The following CDCA2 variants were observed in gnomAD, a reference collection of about 807,000 sequenced individuals.
CDCA2 encodes the protein cell division cycle-associated protein 2.
CDCA2 carries 44 observed loss-of-function variants against 67.0 expected under a neutral mutation model. The ratio of observed to expected loss-of-function variants is 0.66; its 90% CI spans 0.52 to 0.84. The LOEUF (loss-of-function observed/expected upper bound fraction) is 0.84, where lower values mean the gene tolerates loss of function less well. Ranked by LOEUF, CDCA2 falls within the 40% of genes least tolerant of loss-of-function variation. The pLI, the probability that CDCA2 is intolerant of heterozygous loss-of-function variation, is 0.00. For missense variants in CDCA2, 1,253 were observed against 1,203.2 expected (o/e 1.04, Z -0.61); for synonymous variants, 447 against 418.7 (o/e 1.07, Z -0.82).
rs145779915 is a variant in CDCA2, at chr8:25,488,603, G to C, written c.1585G>C (p.Val529Leu). The change falls in exon 13 of 15, where the codon GTT (valine) becomes CTT (leucine). Residue 529 changes from valine (V) to leucine (L), a missense_variant. Transcript: ENST00000330560. ...ESVCNLLNTE[V>L]QPCKEKKINR... ...TGTTTGCAACTTATTGAATACAGAA[G>C]TTCAGCCTTGTAAAGAAAAGAAAAT... 2 of 1,613,026 alleles carry C rather than the reference G, an allele frequency of 1.2e-6. No homozygotes were observed. The highest frequency in any genetic ancestry group is 1.7e-6 in the Non-Finnish European group (2 of 1,179,688).
chr8:25,501,454 C>CT (rs1261015698), intron 13 of CDCA2, among the ~76,000 whole-genome samples: 1 of 152,228 alleles, frequency 6.6e-6, no homozygotes, highest in Non-Finnish European at 1.5e-5. Context: ...ATTCAAGTCA[C>CT]TGGCAAGGGC....
chr8:25,466,147 ACTC>A, intron 4 of CDCA2, 25 bp from the exon 5 acceptor site: 1 of 1,576,294 alleles, frequency 6.3e-7, no homozygotes, highest in Non-Finnish European at 8.6e-7. Context: ...TGATTATAAT[ACTC>A]CTTGTATATT....
chr8:25,507,467 G>C lies in CDCA2; in HGVS notation c.2801G>C (p.Ser934Thr). 6.2e-7 allele frequency: 1 copy of C among 1,614,030 alleles called. No individual in the cohort carries two copies. Among genetic ancestry groups the C allele is most frequent in the Non-Finnish European group, 8.5e-7 (1 of 1,179,976 alleles). Residue 934 changes from serine (S) to threonine (T), a missense_variant, in exon 15 of 15, where the codon AGT becomes ACT. Ser to Thr is a moderately conservative substitution (Grantham distance 58, BLOSUM62 1). Coordinates refer to ENST00000330560, the MANE Select transcript of CDCA2 (RefSeq NM_152562.4). Reference sequence around the variant, plus strand: ...ACATTTGACAGCAGTGGATTTGAAAGTATGTCTCCCATAAAAGAAACTGTG... The same window carrying C: ...ACATTTGACAGCAGTGGATTTGAAACTATGTCTCCCATAAAAGAAACTGTG... ...ICTFDSSGFE[S>T]MSPIKETVSS...
chr8:25,483,361 TATATGTA>T (rs1171018437), intron 8 of CDCA2, 31 bp from the exon 9 acceptor site: 1 of 1,354,118 alleles, frequency 7.4e-7, no homozygotes, highest in South Asian at 1.4e-5. Context: ...TATGTATTTC[TATATGTA>T]AAATTATTCA....
Position 25,468,242 on chromosome 8 carries a change from C to G in CDCA2, c.564C>G (p.Cys188Trp), listed in dbSNP as rs1803000679. Residue 188 changes from cysteine to tryptophan, a missense_variant, in exon 6 of 15, where the codon TGC becomes TGG. Physicochemically the swap from Cys to Trp is radical, Grantham distance 215. Coordinates refer to ENST00000330560, the MANE Select transcript of CDCA2 (RefSeq NM_152562.4). ...CCAGAAAGGAAGGTCTCAGCGCTTG[C>G]CAGCAGTCTGGGTTCCCTGCAGTGT... Reference protein sequence around the residue: ...DLTRKEGLSACQQSGFPAVLS... With the variant: ...DLTRKEGLSAWQQSGFPAVLS... 1 of 1,609,074 alleles carries G rather than the reference C, an allele frequency of 6.2e-7. No homozygotes were observed. The highest frequency in any genetic ancestry group is 8.5e-7 in the Non-Finnish European group (1 of 1,177,100).
intron 7 of CDCA2, among the ~76,000 whole-genome samples, chr8:25,472,521 G>A (rs1001591751): frequency 1.3e-5 from 2 of 152,090 alleles, no homozygotes; most frequent in Admixed American, 1.3e-4. Context: ...AAAGTGCTGG[G>A]ATTACAGGCA....
chr8:25,488,379 A>T (rs1328786259), intron 12 of CDCA2, among the ~76,000 whole-genome samples, 173 bp from the exon 13 acceptor site: 1 of 152,196 alleles, frequency 6.6e-6, no homozygotes. Flanking sequence ...GAAATTGGTA[A>T]TTACCATTTC....
rs747980813 is a variant in CDCA2 at position 25,466,262 on chromosome 8, G to A, written c.475G>A (p.Glu159Lys). The change falls in exon 5 of 15, where the codon GAG becomes AAG. Residue 159 changes from glutamate (E) to lysine (K), a missense_variant. Transcript: ENST00000330560. ...QSAFHSIKEN[E>K]KMTGCLEFSE... is the part of the protein sequence containing the mutation. ...AGCTTTTCACTCCATAAAGGAAAAC[G>A]AGAAAATGACCGGCTGTCTGGAATT... is the stretch of plus-strand genomic sequence containing the variant. The A allele has an allele frequency of 3.7e-6, 6 of 1,610,736 alleles. No individual in the cohort carries two copies. The highest frequency in any genetic ancestry group is 1.7e-5 in the Admixed American group (1 of 58,846).
At chr8:25,493,700 C>T (rs962561701) in intron 13 of CDCA2, among the ~76,000 whole-genome samples, 1 of 152,260 alleles carries the variant, frequency 6.6e-6, no homozygotes, top group Middle Eastern at 3.4e-3. Context: ...GCAGCTGTAA[C>T]GTGCATTGAG....
In CDCA2 at chr8:25,484,084, A is replaced by G. The variant is rs1452243525; in HGVS notation, c.1239A>G (p.Pro413=). The change falls in exon 10 of 15, where the codon CCA becomes CCG. Residue 413 remains proline (P), a synonymous_variant. Transcript: ENST00000330560. The part of the protein sequence containing the change: ...VFDESLPANT[P]LRKGGTPVCK... The stretch of plus-strand genomic sequence containing the variant: ...ATGAATCTTTGCCAGCAAATACTCC[A>G]TTGCGTAAAGGAGGAACACCTGTTT... 1.2e-6 allele frequency: 2 copies of G among 1,614,110 alleles called. No individual in the cohort carries two copies. Among genetic ancestry groups the G allele is most frequent in the African/African-American group, 1.3e-5 (1 of 74,954 alleles).
chr8:25,466,149 TC>T (rs1802892090), intron 4 of CDCA2, 25 bp from the exon 5 acceptor site: 1 of 1,579,416 alleles, frequency 6.3e-7, no homozygotes, highest in East Asian at 2.3e-5. Context: ...ATTATAATAC[TC>T]CTTGTATATT....
chr8:25,488,517 G>T (rs758231797), intron 12 of CDCA2, 35 bp from the exon 13 acceptor site: 1 of 1,559,566 alleles, frequency 6.4e-7, no homozygotes, highest in Non-Finnish European at 8.6e-7. Flanking sequence ...AATTGCTTGT[G>T]CTTTACGGTA....
At chr8:25,483,831 T>G in intron 9 of CDCA2, 135 bp from the exon 10 acceptor site, 1 of 785,330 alleles carries the variant, frequency 1.3e-6, no homozygotes, top group South Asian at 2.1e-5. Context: ...CAACAATTAT[T>G]TTATAGCTTT....
At chr8:25,467,216 T>A (rs1195340450) in intron 5 of CDCA2, among the ~76,000 whole-genome samples, 1 of 152,010 alleles carries the variant, frequency 6.6e-6, no homozygotes, top group African/African-American at 2.4e-5. Flanking sequence ...AAAATCTTGG[T>A]CTTACTGTAA....
At position 25,468,295 on chromosome 8, in the gene CDCA2, A is replaced by C. The variant is rs991221398; in HGVS notation, c.617A>C (p.Tyr206Ser). 4 of 1,614,020 alleles carry C rather than the reference A, an allele frequency of 2.5e-6. No homozygotes were observed. The highest frequency in any genetic ancestry group is 2.2e-5 in the South Asian group (2 of 91,082). ...TCCTCCAAACGTCGGAGAATATCCT[A>C]TCAGAGAGACTCTGATGAAAATCTG... ...VLSSKRRRISYQRDSDENLTD... is the reference protein window; with the variant it reads ...VLSSKRRRISSQRDSDENLTD... The change falls in exon 6 of 15, where the codon TAT (tyrosine) becomes TCT (serine). Residue 206 changes from tyrosine to serine, a missense_variant. Transcript: ENST00000330560.
At position 25,462,111 on chromosome 8, in the gene CDCA2, G is replaced by T. The variant is rs1351500575; in HGVS notation, c.290G>T (p.Gly97Val). Residue 97 changes from glycine (G) to valine (V), a missense_variant, in exon 4 of 15, where the codon GGC becomes GTC. Physicochemically the swap from Gly to Val is moderately radical, Grantham distance 109. Transcript: ENST00000330560. Reference sequence around the variant, plus strand: ...CGACGTTCTGCAGTCGGTGCTCGGGGCTCTCCTGAAACAAACCATCTGATT... The same window carrying T: ...CGACGTTCTGCAGTCGGTGCTCGGGTCTCTCCTGAAACAAACCATCTGATT... ...CRRRSAVGARGSPETNHLIRF... is the reference protein window; with the variant it reads ...CRRRSAVGARVSPETNHLIRF... 5 of 1,614,162 alleles carry T rather than the reference G, an allele frequency of 3.1e-6. No homozygotes were observed. Among genetic ancestry groups the T allele is most frequent in the East Asian group, 2.2e-5 (1 of 44,872 alleles).
chr8:25,503,471 C>G lies in CDCA2; in HGVS notation c.1770C>G (p.Leu590=), dbSNP rs1289137177. Reference sequence around the variant, plus strand: ...ACATTGCTTCTAAGAAGCCCCTCCTCAGTCCTATTCCCGAGCTGCCTGAAG... The same window carrying G: ...ACATTGCTTCTAAGAAGCCCCTCCTGAGTCCTATTCCCGAGCTGCCTGAAG... ...ERDIASKKPL[L]SPIPELPEVP... The change falls in exon 14 of 15, where the codon CTC becomes CTG. Residue 590 remains leucine, a synonymous_variant. Transcript: ENST00000330560. 1.2e-6 allele frequency: 2 copies of G among 1,613,836 alleles called. No individual in the cohort carries two copies. The highest frequency in any genetic ancestry group is 3.3e-5 in the Admixed American group (2 of 59,996).
In CDCA2 at chr8:25,479,822, G is replaced by A. The variant is rs893803528; in HGVS notation, c.821-91G>A. The A allele has an allele frequency of 1.7e-5, 20 of 1,195,320 alleles. No homozygotes were observed. The African/African-American group carries it at 2.7e-4, about 16-fold the overall frequency. 74.0% of individuals were successfully genotyped at this position (1,195,320 alleles called of 1,614,324 possible). On this transcript the variant is annotated intron_variant, in intron 7 of 14. Coordinates refer to ENST00000330560, the MANE Select transcript of CDCA2 (RefSeq NM_152562.4). Reference sequence around the variant, plus strand: ...TTAGGTTTGAATTTCTTCATAGCATGTTATTATCTTTGCAAATACTATATT... The same window carrying A: ...TTAGGTTTGAATTTCTTCATAGCATATTATTATCTTTGCAAATACTATATT...
chr8:25,505,103 T>C (rs750359648), intron 14 of CDCA2, among the ~76,000 whole-genome samples: 5 of 152,188 alleles, frequency 3.3e-5, no homozygotes, highest in Non-Finnish European at 5.9e-5. Context: ...TTCCTTTATC[T>C]TCTCTATCTC....
Sources: allele counts gnomAD v4.1 joint callset (sites outside exome capture counted in the v4.1 genomes callset), GRCh38; gene constraint gnomAD v4.1.1; transcripts MANE v1.5; gene names NCBI Gene and HGNC (gene_info 2026-07-23, HGNC 2026-07-21).